Variants in QPCTL observed in about 807,000 individuals in gnomAD.
The protein encoded by QPCTL is glutaminyl-peptide cyclotransferase like, also known as glutaminyl-peptide cyclotransferase-like protein.
Under a neutral mutation model 34.6 loss-of-function variants are expected in QPCTL, and 31 were observed. That is an observed-to-expected ratio of 0.90 (90% CI 0.67 to 1.21). The LOEUF is 1.21. Ranked by LOEUF, QPCTL falls within the 50% of genes most tolerant of loss-of-function variation. QPCTL has a pLI of 0.00. For missense variants in QPCTL, 474 were observed against 507.8 expected, an observed-to-expected ratio of 0.93 and a Z score of 0.64; for synonymous variants, 223 against 226.9, an observed-to-expected ratio of 0.98 and a Z score of 0.15.
intron 5 of QPCTL, among the ~76,000 whole-genome samples, chr19:45,699,233 A>T (rs1048233641): frequency 6.6e-6 from 1 of 151,714 alleles, no homozygotes; most frequent in Non-Finnish European, 1.5e-5. Context: ...GAGTTTCACT[A>T]TGTTGGCCAA....
chr19:45,696,152 G>A (rs529583119), intron 3 of QPCTL, among the ~76,000 whole-genome samples: 2 of 152,008 alleles, frequency 1.3e-5, no homozygotes, highest in Non-Finnish European at 2.9e-5. Flanking sequence ...CCCACGAGCT[G>A]TGCCCTGTTA....
chr19:45,703,150 C>T lies in QPCTL; in HGVS notation c.*101C>T, dbSNP rs962800492. 65 of 1,397,154 alleles carry T rather than the reference C, an allele frequency of 4.7e-5. No homozygotes were observed. The highest frequency in any genetic ancestry group is 3.2e-5 in the Non-Finnish European group (32 of 1,013,358). 86.5% of individuals were successfully genotyped at this position (1,397,154 alleles called of 1,614,324 possible). A position where few individuals can be genotyped will look rare whatever the true frequency, so the allele number is the denominator to read the frequency against. ...TCTGCCTAGGGTGTGCTGGTTTGTC[C>T]TTTTCATACCTTTGTCTCCTAATTG... On this transcript the variant is annotated 3_prime_UTR_variant, in exon 7 of 7. Transcript: ENST00000012049.
intron 6 of QPCTL, among the ~76,000 whole-genome samples, chr19:45,702,164 G>A (rs1967823078): frequency 6.6e-6 from 1 of 151,974 alleles, no homozygotes; most frequent in South Asian, 2.1e-4. Flanking sequence ...TTCCAGAAAT[G>A]TTTGCAGCTG....
At chr19:45,698,484 G>A in intron 3 of QPCTL, 63 bp from the exon 4 acceptor site, 2 of 1,592,572 alleles carry the variant, frequency 1.3e-6, no homozygotes, top group Non-Finnish European at 1.7e-6. Flanking sequence ...AAGAAGTGTG[G>A]GTATGTTGAG....
At chr19:45,700,669 G>T (rs1323583650) in intron 5 of QPCTL, among the ~76,000 whole-genome samples, 1 of 151,800 alleles carries the variant, frequency 6.6e-6, no homozygotes, top group Non-Finnish European at 1.5e-5. Flanking sequence ...TCTGTAAAAC[G>T]GCCAGTGGGG....
rs370473683 is a variant in QPCTL at position 45,703,017 on chromosome 19, G to T, written c.1117G>T (p.Ala373Ser). 2 of 1,614,106 alleles carry T rather than the reference G, an allele frequency of 1.2e-6. No individual in the cohort carries two copies. Among genetic ancestry groups the T allele is most frequent in the East Asian group, 2.2e-5 (1 of 44,874 alleles). ...GGTACACAACTTGTGCCGCATTCTC[G>T]CTGTGTTCCTGGCTGAATACCTGGG... is the stretch of plus-strand genomic sequence containing the variant. ...PTVHNLCRIL[A>S]VFLAEYLGL The change falls in exon 7 of 7, where the codon GCT becomes TCT. Residue 373 changes from alanine to serine, a missense_variant. Physicochemically the swap from Ala to Ser is moderately conservative, Grantham distance 99. Coordinates refer to ENST00000012049, the MANE Select transcript of QPCTL (RefSeq NM_017659.4).
chr19:45,700,332 C>T (rs1967785704), intron 5 of QPCTL, among the ~76,000 whole-genome samples: 1 of 151,406 alleles, frequency 6.6e-6, no homozygotes. Context: ...GTAGTCCTAG[C>T]TACTCCGGAG....
chr19:45,701,952 A>G lies in QPCTL; in HGVS notation c.1003+38A>G, dbSNP rs746363237. 9 of 1,540,062 alleles carry G rather than the reference A, an allele frequency of 5.8e-6. No homozygotes were observed. In the Admixed American group the frequency reaches 1.4e-4, roughly 23 times the overall value. The stretch of plus-strand genomic sequence containing the variant: ...GGGAGGGATGGAGGGTGGGTGTCCA[A>G]GGAAGCCACAAATTGGAACTGGCCA... On this transcript the variant is annotated intron_variant, in intron 6 of 6. Coordinates refer to ENST00000012049, the MANE Select transcript of QPCTL (RefSeq NM_017659.4).
intron 5 of QPCTL, among the ~76,000 whole-genome samples, chr19:45,700,730 G>A (rs1600344604): frequency 6.6e-6 from 1 of 152,048 alleles, no homozygotes; most frequent in Non-Finnish European, 1.5e-5. Context: ...GGAGGCCGAG[G>A]TGGGCGAATC....
chr19:45,698,548 C>T lies in QPCTL; in HGVS notation c.635C>T (p.Ala212Val). The change falls in exon 4 of 7, where the codon GCA becomes GTA. Residue 212 changes from alanine (A) to valine (V), a missense_variant and splice_region_variant. Coordinates refer to ENST00000012049, the MANE Select transcript of QPCTL (RefSeq NM_017659.4). ...DLELSRAKKQ[A>V]APVTLQLLFL... ...GCCACCCCCCTGCTGCTCCCACAGG[C>T]AGCCCCGGTGACCCTGCAACTGCTC... 1 of 1,613,834 alleles carries T rather than the reference C, an allele frequency of 6.2e-7. No homozygotes were observed. The highest frequency in any genetic ancestry group is 1.1e-5 in the South Asian group (1 of 91,070).
intron 6 of QPCTL, among the ~76,000 whole-genome samples, chr19:45,702,157 C>CA (rs1967822954): frequency 6.6e-6 from 1 of 151,948 alleles, no homozygotes; most frequent in African/African-American, 2.4e-5. Context: ...GCAAGCATTC[C>CA]AGAAATGTTT....
chr19:45,702,204 C>T (rs573077934), intron 6 of QPCTL, among the ~76,000 whole-genome samples: 2 of 152,052 alleles, frequency 1.3e-5, no homozygotes, highest in South Asian at 2.1e-4. Context: ...GTAATCCCAG[C>T]ACTTTGGGAG....
Position 45,701,810 on chromosome 19 carries a change from A to C in QPCTL, c.899A>C (p.His300Pro). 6.2e-7 allele frequency: 1 copy of C among 1,613,652 alleles called. No individual in the cohort carries two copies. Among genetic ancestry groups the C allele is most frequent in the Non-Finnish European group, 8.5e-7 (1 of 1,179,710 alleles). The change falls in exon 6 of 7, where the codon CAC (histidine) becomes CCC (proline). Residue 300 changes from histidine (H) to proline (P), a missense_variant. Coordinates refer to ENST00000012049, the MANE Select transcript of QPCTL (RefSeq NM_017659.4). ...HRLRSIEKRLHRLNLLQSHPQ... is the reference protein window; with the variant it reads ...HRLRSIEKRLPRLNLLQSHPQ... ...CCCCCACTTCCAGAGAAGCGTCTGCACCGTTTGAACCTGCTGCAGTCTCAT... is the reference window on the plus strand; with the variant it reads ...CCCCCACTTCCAGAGAAGCGTCTGCCCCGTTTGAACCTGCTGCAGTCTCAT...
At chr19:45,699,336 A>C (rs897010738) in intron 5 of QPCTL, among the ~76,000 whole-genome samples, 1 of 149,400 alleles carries the variant, frequency 6.7e-6, no homozygotes, top group Non-Finnish European at 1.5e-5. Flanking sequence ...TGGTGACCCC[A>C]TCTCTTAAAA....
chr19:45,699,658 C>T (rs958187886), intron 5 of QPCTL, among the ~76,000 whole-genome samples: 3 of 151,320 alleles, frequency 2.0e-5, no homozygotes, highest in East Asian at 3.9e-4. Context: ...AGGCCAGGCG[C>T]GATGGCTCAC....
rs1967592873 is a variant in QPCTL at position 45,692,702 on chromosome 19, C to A, written c.-2C>A. 3 of 1,538,400 alleles carry A rather than the reference C, an allele frequency of 2.0e-6. No individual in the cohort carries two copies. In the East Asian group the frequency reaches 7.2e-5, roughly 37 times the overall value. On this transcript the variant is annotated 5_prime_UTR_variant, in exon 1 of 7. Transcript: ENST00000012049. ...TGGTACAGGTTTCAGGGCAAAGCGGCCATGCGTTCCGGGGGCCGCGGGCGA... is the reference window on the plus strand; with the variant it reads ...TGGTACAGGTTTCAGGGCAAAGCGGACATGCGTTCCGGGGGCCGCGGGCGA...
Position 45,703,178 on chromosome 19 carries a change from C to T in QPCTL, c.*129C>T. ...TTCATACCTTTGTCTCCTAATTGTG[C>T]TACAATTGGAAGACCTTCTTTCTTT... On this transcript the variant is annotated 3_prime_UTR_variant, in exon 7 of 7. Transcript: ENST00000012049. 1 of 1,191,092 alleles carries T rather than the reference C, an allele frequency of 8.4e-7. No homozygotes were observed. The allele number at this position is 1,191,092 out of a possible 1,614,324, so 73.8% of individuals were successfully genotyped here. A position where few individuals can be genotyped will look rare whatever the true frequency, so the allele number is the denominator to read the frequency against.
chr19:45,694,915 G>A (rs556652817), intron 2 of QPCTL, among the ~76,000 whole-genome samples: 2 of 152,246 alleles, frequency 1.3e-5, no homozygotes, highest in African/African-American at 2.4e-5. Context: ...GAGTCTTGCT[G>A]GCTTCAAGAG....
intron 5 of QPCTL, 106 bp downstream of exon 5, chr19:45,699,006 T>A (rs1284638621): frequency 4.4e-6 from 4 of 916,190 alleles, no homozygotes; most frequent in Non-Finnish European, 5.0e-6. Context: ...CATCCACCAG[T>A]CTGGGCCACA....
Sources: allele counts gnomAD v4.1 joint callset (sites outside exome capture counted in the v4.1 genomes callset), GRCh38; gene constraint gnomAD v4.1.1; transcripts MANE v1.5; gene names NCBI Gene and HGNC (gene_info 2026-07-23, HGNC 2026-07-21).